Variants in CAMKMT observed in about 807,000 individuals in gnomAD.
CAMKMT encodes CaM KMT.
A neutral mutation model predicts 48.0 loss-of-function variants in CAMKMT; 53 were observed. That is an observed-to-expected ratio of 1.10 (90% confidence interval 0.89 to 1.39). CAMKMT has a LOEUF of 1.39. Among genes scored for constraint, CAMKMT ranks in the 40% most tolerant of loss-of-function variants. The pLI, the probability that CAMKMT is intolerant of heterozygous loss-of-function variation, is 0.00. For missense variants in CAMKMT, 428 were observed against 402.7 expected (o/e 1.06, Z -0.54); for synonymous variants, 165 against 152.3 (o/e 1.08, Z -0.61).
At chr2:44,370,378 G>A (rs1037745235) in intron 1 of CAMKMT, among the ~76,000 whole-genome samples, 41 of 152,168 alleles carry the variant, frequency 2.7e-4, no homozygotes, top group Admixed American at 8.5e-4. Flanking sequence ...CGGATTTTCC[G>A]TTTCTTCTTG....
In CAMKMT at chr2:44,671,229, C is replaced by G. The variant is rs114233007; in HGVS notation, c.377-33054C>G. ...AGTCTCCTTCCCCAAAATCCTACCC[C>G]CTTTTTTCCTTCAAAATTGCACTTC... is the stretch of plus-strand genomic sequence containing the variant. On this transcript the variant is annotated intron_variant, in intron 3 of 10. Coordinates refer to ENST00000378494, the MANE Select transcript of CAMKMT (RefSeq NM_024766.5). Among the ~76,000 whole-genome samples the G allele has an allele frequency of 3.8e-3, 573 of 152,252 alleles. 2 individuals carry two copies. Among genetic ancestry groups the G allele is most frequent in the African/African-American group, 0.013 (550 of 41,534 alleles).
chr2:44,423,168 C>CTATTTTATTT (rs151172854), intron 3 of CAMKMT, among the ~76,000 whole-genome samples: 22 of 150,718 alleles, frequency 1.5e-4, no homozygotes, highest in Admixed American at 3.3e-4. Flanking sequence ...CATCAGGACT[C>CTATTTTATTT]TATTTTATTT....
chr2:44,444,641 C>T lies in CAMKMT; in HGVS notation c.376+54336C>T, dbSNP rs75886129. On this transcript the variant is annotated intron_variant, in intron 3 of 10. Transcript: ENST00000378494. ...CTACTGTTCAAGTTATACACACATA[C>T]ATGTGTGTGTAAAAATCTGGATTAA... 3.7e-3 allele frequency among the ~76,000 whole-genome samples: 566 copies of T among 152,230 alleles called. 8 individuals are homozygous for T. Among genetic ancestry groups the T allele is most frequent in the African/African-American group, 0.013 (539 of 41,524 alleles).
intron 3 of CAMKMT, among the ~76,000 whole-genome samples, chr2:44,485,973 T>C (rs1192708351): frequency 1.3e-5 from 2 of 152,160 alleles, no homozygotes; most frequent in Non-Finnish European, 2.9e-5. Context: ...TTTTTTTATT[T>C]TTATTTTTTG....
chr2:44,671,498 T>G (rs975157377), intron 3 of CAMKMT, among the ~76,000 whole-genome samples: 1 of 152,244 alleles, frequency 6.6e-6, no homozygotes, highest in Non-Finnish European at 1.5e-5. Flanking sequence ...CTGTTTGTTG[T>G]CTGGGCCTGC....
chr2:44,638,073 G>A (rs1224091748), intron 3 of CAMKMT, among the ~76,000 whole-genome samples: 11 of 146,684 alleles, frequency 7.5e-5, no homozygotes, highest in South Asian at 2.2e-4. Flanking sequence ...AAAAAAAAAA[G>A]AGAAAAAGAA....
At chr2:44,435,278 T>G (rs760069307) in intron 3 of CAMKMT, among the ~76,000 whole-genome samples, 7 of 152,150 alleles carry the variant, frequency 4.6e-5, no homozygotes, top group Non-Finnish European at 8.8e-5. Flanking sequence ...TTAATCTGAT[T>G]AAGTTCTTGG....
chr2:44,582,951 A>T (rs2103781209), intron 3 of CAMKMT, among the ~76,000 whole-genome samples: 1 of 152,366 alleles, frequency 6.6e-6, no homozygotes, highest in Non-Finnish European at 1.5e-5. Flanking sequence ...GGCTGCTGAA[A>T]TACATACTAT....
At chr2:44,482,422 G>A (rs539430319) in intron 3 of CAMKMT, among the ~76,000 whole-genome samples, 2 of 152,184 alleles carry the variant, frequency 1.3e-5, no homozygotes, top group South Asian at 2.1e-4. Flanking sequence ...ATCATTGTGA[G>A]CATCTATTGC....
intron 3 of CAMKMT, among the ~76,000 whole-genome samples, chr2:44,439,234 A>G (rs1448192228): frequency 6.6e-6 from 1 of 152,172 alleles, no homozygotes; most frequent in Non-Finnish European, 1.5e-5. Flanking sequence ...ACAGTTTATT[A>G]TACTACATTC....
intron 3 of CAMKMT, among the ~76,000 whole-genome samples, chr2:44,543,039 T>A (rs1667215639): frequency 6.6e-6 from 1 of 152,180 alleles, no homozygotes; most frequent in Non-Finnish European, 1.5e-5. Flanking sequence ...TAGATGCAAA[T>A]TATCGTTTAC....
chr2:44,531,886 G>A (rs769299032), intron 3 of CAMKMT, among the ~76,000 whole-genome samples: 1 of 152,114 alleles, frequency 6.6e-6, no homozygotes, highest in Non-Finnish European at 1.5e-5. Flanking sequence ...GTTTTAAAGT[G>A]CTATAATTCT....
intron 3 of CAMKMT, among the ~76,000 whole-genome samples, chr2:44,623,415 G>A (rs1288885630): frequency 6.6e-6 from 1 of 152,042 alleles, no homozygotes; most frequent in Non-Finnish European, 1.5e-5. Flanking sequence ...TGATACAGAG[G>A]AGGGTATTTC....
chr2:44,378,676 T>G (rs1426458841), intron 2 of CAMKMT, among the ~76,000 whole-genome samples: 1 of 152,174 alleles, frequency 6.6e-6, no homozygotes, highest in Non-Finnish European at 1.5e-5. Context: ...GTATTTTTAG[T>G]AGAGACGGGG....
intron 3 of CAMKMT, among the ~76,000 whole-genome samples, chr2:44,684,948 C>G (rs1676251946): frequency 1.3e-5 from 2 of 151,468 alleles, no homozygotes; most frequent in African/African-American, 4.9e-5. Flanking sequence ...ATTTAAAGCT[C>G]AGCAAATAGA....
At chr2:44,540,006 A>G (rs1015736399) in intron 3 of CAMKMT, among the ~76,000 whole-genome samples, 16 of 152,172 alleles carry the variant, frequency 1.1e-4, no homozygotes, top group African/African-American at 3.6e-4. Flanking sequence ...ATTGTTCCTC[A>G]TTAAACTTTC....
At chr2:44,481,390 G>GA (rs1280009225) in intron 3 of CAMKMT, among the ~76,000 whole-genome samples, 1 of 151,664 alleles carries the variant, frequency 6.6e-6, no homozygotes, top group Non-Finnish European at 1.5e-5. Flanking sequence ...AGCTGAATAG[G>GA]AAAAAATCAT....
chr2:44,407,771 T>C (rs1682883488), intron 3 of CAMKMT, among the ~76,000 whole-genome samples: 1 of 152,158 alleles, frequency 6.6e-6, no homozygotes, highest in African/African-American at 2.4e-5. Context: ...AAAATAATGA[T>C]AGGCAGCTGC....
intron 3 of CAMKMT, chr2:44,549,650 C>T: frequency 1.7e-6 from 1 of 598,198 alleles, no homozygotes; most frequent in South Asian, 2.1e-5. Context: ...ATTTAAGAAA[C>T]ACTTCGTGGC....
Sources: allele counts gnomAD v4.1 joint callset (sites outside exome capture counted in the v4.1 genomes callset), GRCh38; gene constraint gnomAD v4.1.1; transcripts MANE v1.5; gene names NCBI Gene and HGNC (gene_info 2026-07-23, HGNC 2026-07-21).